Variants in IKBKB observed in about 807,000 individuals in gnomAD.
IKBKB encodes inhibitor of nuclear factor kappa B kinase subunit beta.
Under a neutral mutation model 113.6 loss-of-function variants are expected in IKBKB, and 42 were observed. That is an observed-to-expected ratio of 0.37 (90% CI 0.29 to 0.48). The LOEUF (loss-of-function observed/expected upper bound fraction) is 0.48, where lower values mean the gene tolerates loss of function less well. Ranked by LOEUF, IKBKB falls within the 20% of genes least tolerant of loss-of-function variation. IKBKB has a pLI of 0.99. For synonymous variants in IKBKB, 296 were observed against 361.3 expected, an observed-to-expected ratio of 0.82 and a Z score of 2.05; for missense variants, 673 against 939.7, an observed-to-expected ratio of 0.72 and a Z score of 3.71.
Position 42,306,426 on chromosome 8 carries a change from G to C in IKBKB, c.561G>C (p.Gln187His). The C allele has an allele frequency of 6.2e-7, 1 of 1,609,608 alleles. No homozygotes were observed. The highest frequency in any genetic ancestry group is 8.5e-7 in the Non-Finnish European group (1 of 1,175,936). The change falls in exon 7 of 22, where the codon CAG (glutamine) becomes CAC (histidine). Residue 187 changes from glutamine (Q) to histidine (H), a missense_variant. Coordinates refer to ENST00000520810, the MANE Select transcript of IKBKB (RefSeq NM_001556.3). ...GCACATCATTCGTGGGGACCCTGCAGTACCTGGTAAGAAGTGGGCCTTGCC... is the reference window on the plus strand; with the variant it reads ...GCACATCATTCGTGGGGACCCTGCACTACCTGGTAAGAAGTGGGCCTTGCC... ...SLCTSFVGTL[Q>H]YLAPELLEQQ...
chr8:42,319,455 C>G, intron 14 of IKBKB, 34 bp downstream of exon 14: 1 of 1,612,962 alleles, frequency 6.2e-7, no homozygotes, highest in Non-Finnish European at 8.5e-7. Context: ...TTTAAAGACA[C>G]CATTTTTTTT....
chr8:42,311,016 C>A (rs542139456), intron 8 of IKBKB, among the ~76,000 whole-genome samples: 3 of 152,082 alleles, frequency 2.0e-5, no homozygotes, highest in South Asian at 4.2e-4. Context: ...CAGTTGTTTC[C>A]CTAGGATAAT....
intron 6 of IKBKB, 81 bp downstream of exon 6, chr8:42,305,356 T>G: frequency 1.3e-6 from 1 of 773,452 alleles, no homozygotes; most frequent in Non-Finnish European, 2.3e-6. Flanking sequence ...ACACTCTGCA[T>G]ATTTGTGTGT....
In IKBKB at chr8:42,316,952, T is replaced by C. The variant is rs760321820; in HGVS notation, c.1125+48T>C. The C allele has an allele frequency of 6.5e-7, 1 of 1,546,326 alleles. No homozygotes were observed. The highest frequency in any genetic ancestry group is 8.9e-7 in the Non-Finnish European group (1 of 1,123,940). On this transcript the variant is annotated intron_variant, in intron 11 of 21. Coordinates refer to ENST00000520810, the MANE Select transcript of IKBKB (RefSeq NM_001556.3). This position sits in a 1 kb window ranked among gnomAD's most constrained non-coding sequence, Gnocchi z 4.5. ...CCATCCTGTTTACCTTGGCTGTGCC[T>C]CCTGGGAAACTCAACACACTTTCAG...
At chr8:42,319,724 A>G (rs1819412294) in intron 15 of IKBKB, 78 bp downstream of exon 15, 1 of 1,189,384 alleles carries the variant, frequency 8.4e-7, no homozygotes, top group South Asian at 1.5e-5. Flanking sequence ...TTCTCATCAA[A>G]CACTGGGTCG....
intron 19 of IKBKB, among the ~76,000 whole-genome samples, chr8:42,324,165 A>G (rs1299546656): frequency 6.6e-6 from 1 of 152,220 alleles, no homozygotes; most frequent in Non-Finnish European, 1.5e-5. Flanking sequence ...CTGGGGAGTC[A>G]GTGTGTTCTG....
intron 19 of IKBKB, among the ~76,000 whole-genome samples, chr8:42,324,104 A>G (rs1196568135): frequency 6.6e-6 from 1 of 152,166 alleles, no homozygotes; most frequent in Non-Finnish European, 1.5e-5. Flanking sequence ...TTCCAGCTGA[A>G]GAGTGAGGAT....
At chr8:42,274,275 C>T (rs1037285749) in intron 2 of IKBKB, among the ~76,000 whole-genome samples, 3 of 152,098 alleles carry the variant, frequency 2.0e-5, no homozygotes, top group African/African-American at 7.2e-5. Flanking sequence ...GGTGATCTGC[C>T]CACCTCAGCC....
chr8:42,326,003 G>C lies in IKBKB; in HGVS notation c.2020G>C (p.Asp674His). 6.2e-7 allele frequency: 1 copy of C among 1,614,190 alleles called. No homozygotes were observed. The highest frequency in any genetic ancestry group is 8.5e-7 in the Non-Finnish European group (1 of 1,180,024). Residue 674 changes from aspartate (D) to histidine (H), a missense_variant, in exon 20 of 22, where the codon GAT becomes CAT. By Grantham distance (81) the Asp-to-His change is moderately conservative. Coordinates refer to ENST00000520810, the MANE Select transcript of IKBKB (RefSeq NM_001556.3). ...KVRGPVSGSP[D>H]SMNASRLSQP... ...CCGTGGTCCTGTCAGTGGAAGCCCGGATAGCATGAATGCCTCTCGACTTAG... is the reference window on the plus strand; with the variant it reads ...CCGTGGTCCTGTCAGTGGAAGCCCGCATAGCATGAATGCCTCTCGACTTAG...
At chr8:42,302,765 C>CA (rs57730472) in intron 5 of IKBKB, among the ~76,000 whole-genome samples, 649 of 136,118 alleles carry the variant, frequency 4.8e-3, no homozygotes, top group South Asian at 7.9e-3. Flanking sequence ...TTCCAAAATC[C>CA]AAAAAAAAAA....
At chr8:42,325,696 T>C in intron 19 of IKBKB, 1 of 1,201,290 alleles carries the variant, frequency 8.3e-7, no homozygotes, top group Non-Finnish European at 1.0e-6. Context: ...TCAGTAAAGC[T>C]GATGAAAATA....
rs1463565727 is a variant in IKBKB at position 42,316,234 on chromosome 8, G to C, written c.825G>C (p.Lys275Asn). Reference sequence around the variant, plus strand: ...GTGTCCTGGCTGAGCGACTGGAGAAGTGGCTGCAACTGATGCTGATGTGGC... The same window carrying C: ...GTGTCCTGGCTGAGCGACTGGAGAACTGGCTGCAACTGATGCTGATGTGGC... ...LNSVLAERLE[K>N]WLQLMLMWHP... Residue 275 changes from lysine (K) to asparagine (N), a missense_variant, in exon 10 of 22, where the codon AAG (lysine) becomes AAC (asparagine). Transcript: ENST00000520810. This position sits in a 1 kb window ranked among gnomAD's most constrained non-coding sequence, Gnocchi z 4.5. 6.2e-7 allele frequency: 1 copy of C among 1,614,212 alleles called. No homozygotes were observed. The highest frequency in any genetic ancestry group is 1.3e-5 in the African/African-American group (1 of 75,058).
rs1818812165 is a variant in IKBKB, at chr8:42,317,006, G to A, written c.1125+102G>A. 4 of 1,135,574 alleles carry A rather than the reference G, an allele frequency of 3.5e-6. No homozygotes were observed. In the South Asian group the frequency reaches 5.3e-5, roughly 15 times the overall value. The allele number at this position is 1,135,574 out of a possible 1,614,324, so 70.3% of individuals were successfully genotyped here. ...TCAATTCTGCTTTGTCATGTAGTCT[G>A]TTAATCACACAGTGCGGATACCTGG... On this transcript the variant is annotated intron_variant, in intron 11 of 21. Transcript: ENST00000520810.
Position 42,319,288 on chromosome 8 carries a change from C to T in IKBKB, c.1383C>T (p.Asn461=). ...CCTGCAGGATGAATCTCCTCCGAAA[C>T]AACAGCTGCCTCTCCAAAATGAAGA... is the stretch of plus-strand genomic sequence containing the variant. ...QRAAMMNLLR[N]NSCLSKMKNS... is the part of the protein sequence containing the mutation. Residue 461 remains asparagine, a synonymous_variant, in exon 14 of 22, where the codon AAC becomes AAT. Coordinates refer to ENST00000520810, the MANE Select transcript of IKBKB (RefSeq NM_001556.3). 1 of 1,614,122 alleles carries T rather than the reference C, an allele frequency of 6.2e-7. No individual in the cohort carries two copies. Among genetic ancestry groups the T allele is most frequent in the South Asian group, 1.1e-5 (1 of 91,080 alleles).
At chr8:42,327,737 A>C (rs1326656387) in intron 20 of IKBKB, among the ~76,000 whole-genome samples, 1 of 148,506 alleles carries the variant, frequency 6.7e-6, no homozygotes, top group African/African-American at 2.5e-5. Context: ...GGTTCAAGCG[A>C]TTCTCCTGCC....
At chr8:42,284,309 G>A (rs1292173298) in intron 2 of IKBKB, among the ~76,000 whole-genome samples, 2 of 152,068 alleles carry the variant, frequency 1.3e-5, no homozygotes, top group African/African-American at 4.8e-5. Flanking sequence ...ATGTCCTGGC[G>A]CAGTGGCTCA....
chr8:42,293,662 G>A, intron 5 of IKBKB, 150 bp downstream of exon 5: 1 of 1,363,742 alleles, frequency 7.3e-7, no homozygotes, highest in Admixed American at 2.1e-5. Context: ...CCCTGGTGGA[G>A]TAGGGAGGTC....
At chr8:42,272,495 GATATT>G (rs1267309238) in intron 2 of IKBKB, 2 of 472,110 alleles carry the variant, frequency 4.2e-6, no homozygotes, top group South Asian at 4.4e-5. Flanking sequence ...AATATATACT[GATATT>G]ATATGTTATA....
At chr8:42,308,534 G>T (rs948839548) in intron 7 of IKBKB, among the ~76,000 whole-genome samples, 3 of 152,230 alleles carry the variant, frequency 2.0e-5, no homozygotes, top group African/African-American at 7.2e-5. Flanking sequence ...CTGACCTCAA[G>T]TAATGCGCCT....
Sources: gnomAD v4.1 joint callset for allele counts (sites outside exome capture counted in the v4.1 genomes callset) on GRCh38, gnomAD v4.1.1 for gene constraint, Gnocchi (gnomAD v3.1) non-coding constraint, MANE v1.5 for transcripts, NCBI Gene and HGNC (gene_info 2026-07-23, HGNC 2026-07-21) for gene names.